EI24: variants seen among roughly 807,000 people sequenced by gnomAD.
EI24 encodes the protein EI24 autophagy associated transmembrane protein.
Under a neutral mutation model 48.6 loss-of-function variants are expected in EI24, and 21 were observed. That is an observed-to-expected ratio of 0.43 (90% CI 0.31 to 0.62). EI24 has a LOEUF of 0.62. Among genes scored for constraint, EI24 ranks in the 20% least tolerant of loss-of-function variants. The pLI is 0.10. For synonymous variants in EI24, 114 were observed against 145.5 expected, an observed-to-expected ratio of 0.78 and a Z score of 1.56; for missense variants, 280 against 410.5, an observed-to-expected ratio of 0.68 and a Z score of 2.75.
At chr11:125,578,907 A>G (rs758484900) in intron 6 of EI24, 42 bp from the exon 7 acceptor site, 15 of 1,549,340 alleles carry the variant, frequency 9.7e-6, no homozygotes, top group Non-Finnish European at 1.3e-5. Flanking sequence ...ATGTATATCA[A>G]GGCCATTTAA....
intron 7 of EI24, among the ~76,000 whole-genome samples, chr11:125,579,620 T>G (rs1277278324): frequency 6.6e-6 from 1 of 152,050 alleles, no homozygotes; most frequent in East Asian, 1.9e-4. Context: ...TGAGCCGAGA[T>G]CGCGCCATTG....
intron 9 of EI24, among the ~76,000 whole-genome samples, chr11:125,581,537 CTTTTTTT>C (rs33956827): frequency 3.9e-4 from 20 of 50,744 alleles, no homozygotes; most frequent in East Asian, 3.0e-3. Context: ...AGCAATTATT[CTTTTTTT>C]TTTTTTTTTT....
intron 5 of EI24, chr11:125,577,911 GT>G: frequency 1.7e-6 from 1 of 603,998 alleles, no homozygotes. Flanking sequence ...AAGCAGGTTT[GT>G]GTCAAGCAGC....
chr11:125,577,423 A>G, intron 4 of EI24, 81 bp from the exon 5 acceptor site: 1 of 1,384,758 alleles, frequency 7.2e-7, no homozygotes, highest in Non-Finnish European at 1.0e-6. Context: ...ACTCCCATCT[A>G]TAAAATCATT....
At chr11:125,581,382 G>A (rs778710670) in intron 9 of EI24, 60 bp downstream of exon 9, 3 of 1,160,482 alleles carry the variant, frequency 2.6e-6, no homozygotes, top group Middle Eastern at 4.0e-4. Context: ...TGAAGTCAGT[G>A]CCTTTTGTTT....
chr11:125,575,370 A>G lies in EI24; in HGVS notation c.150A>G (p.Ala50=). ...QRRRRASSVL[A]QRRAQSIERK... is the part of the protein sequence containing the mutation. ...GAAGAAGGGCAAGTAGTGTCTTGGCACAGAGAAGAGCCCAGAGTATAGAGC... is the reference window on the plus strand; with the variant it reads ...GAAGAAGGGCAAGTAGTGTCTTGGCGCAGAGAAGAGCCCAGAGTATAGAGC... Residue 50 remains alanine (A), a synonymous_variant, in exon 3 of 11, where the codon GCA becomes GCG. Coordinates refer to ENST00000278903, the MANE Select transcript of EI24 (RefSeq NM_004879.5). The G allele has an allele frequency of 6.3e-7, 1 of 1,593,532 alleles. No homozygotes were observed. Among genetic ancestry groups the G allele is most frequent in the Non-Finnish European group, 8.5e-7 (1 of 1,169,926 alleles).
At chr11:125,575,939 C>A (rs931555638) in intron 3 of EI24, 1 of 390,306 alleles carries the variant, frequency 2.6e-6, no homozygotes, top group South Asian at 1.9e-5. Context: ...CAGGTGCGCA[C>A]CACCACGCCT....
rs754100619 is a variant in EI24, at chr11:125,577,576, T to C, written c.316+6T>C. ...GGTAACAGCCCGAATTATCGGTAAG[T>C]GTATACCCTGCTCCTTGTCTGTTGG... is the stretch of plus-strand genomic sequence containing the variant. On this transcript the variant is annotated splice_donor_region_variant and intron_variant, in intron 5 of 10. Transcript: ENST00000278903. The C allele has an allele frequency of 6.2e-7, 1 of 1,611,706 alleles. No individual in the cohort carries two copies. Among genetic ancestry groups the C allele is most frequent in the South Asian group, 1.1e-5 (1 of 90,880 alleles).
rs1043919 is a variant in EI24, at chr11:125,578,201, C to T, written c.385C>T (p.Leu129Phe). Residue 129 changes from leucine (L) to phenylalanine (F), a missense_variant, in exon 6 of 11, where the codon CTT becomes TTT. Leu to Phe is a conservative substitution (Grantham distance 22, BLOSUM62 0). This residue lies in a region of EI24 where 204 missense variants were observed against 294.1 expected (regional missense o/e 0.69). Coordinates refer to ENST00000278903, the MANE Select transcript of EI24 (RefSeq NM_004879.5). ...EFFLTSIFSA[L>F]WVLPLFVLSK... is the part of the protein sequence containing the mutation. ...CTTCCTCACGTCAATTTTCAGTGCT[C>T]TTTGGGTGCTCCCCTTGTTTGTGCT... 6.2e-7 allele frequency: 1 copy of T among 1,613,836 alleles called. No individual in the cohort carries two copies. Among genetic ancestry groups the T allele is most frequent in the African/African-American group, 1.3e-5 (1 of 74,906 alleles).
Position 125,583,774 on chromosome 11 carries a change from G to A in EI24, c.*91G>A, listed in dbSNP as rs1939110581. On this transcript the variant is annotated 3_prime_UTR_variant, in exon 11 of 11. Coordinates refer to ENST00000278903, the MANE Select transcript of EI24 (RefSeq NM_004879.5). ...ACCTCCCGCCTGCCAGGGAAGGCAG[G>A]ACCCGCTCTGCCAAGGGCCCTCTGC... 1 of 1,536,976 alleles carries A rather than the reference G, an allele frequency of 6.5e-7. No homozygotes were observed. The highest frequency in any genetic ancestry group is 2.4e-5 in the East Asian group (1 of 41,184).
intron 5 of EI24, 167 bp from the exon 6 acceptor site, chr11:125,577,966 G>C: frequency 1.4e-6 from 1 of 733,522 alleles, no homozygotes; most frequent in Non-Finnish European, 2.2e-6. Flanking sequence ...GCCAGAATGT[G>C]GTGCGTCTAT....
intron 2 of EI24, among the ~76,000 whole-genome samples, chr11:125,574,550 C>T (rs1184262372): frequency 2.0e-5 from 3 of 152,208 alleles, no homozygotes; most frequent in Non-Finnish European, 4.4e-5. Context: ...GCTATTATTT[C>T]TAAAATTCGT....
At chr11:125,578,882 G>A (rs1254747797) in intron 6 of EI24, 67 bp from the exon 7 acceptor site, 1 of 1,519,294 alleles carries the variant, frequency 6.6e-7, no homozygotes, top group Non-Finnish European at 8.9e-7. Context: ...CGGACTAGTG[G>A]CCTTAGCTTT....
intron 2 of EI24, among the ~76,000 whole-genome samples, chr11:125,573,226 C>T (rs12222628): frequency 2.0e-5 from 3 of 152,128 alleles, no homozygotes; most frequent in Non-Finnish European, 4.4e-5. Flanking sequence ...TCTCCCCATT[C>T]TACAAGCTGT....
In EI24 at chr11:125,584,036, T is replaced by C. The variant is rs1565334736; in HGVS notation, c.*353T>C. On this transcript the variant is annotated 3_prime_UTR_variant, in exon 11 of 11. Coordinates refer to ENST00000278903, the MANE Select transcript of EI24 (RefSeq NM_004879.5). ...TTTCCATCCTGCCTTCTACCACCCT[T>C]GGATGAATGGATTTTGTAATTCTAG... The C allele has an allele frequency of 4.3e-6, 1 of 234,812 alleles. No homozygotes were observed. Among genetic ancestry groups the C allele is most frequent in the Non-Finnish European group, 8.5e-6 (1 of 117,602 alleles). The allele number at this position is 234,812 out of a possible 1,614,324, so 14.5% of individuals were successfully genotyped here.
chr11:125,569,595 CTAGGCCTCGGGG>C, intron 1 of EI24, 22 bp downstream of exon 1: 5 of 367,862 alleles, frequency 1.4e-5, no homozygotes, highest in Non-Finnish European at 1.5e-5. Flanking sequence ...CTCAGCCGAG[CTAGGCCTCGGGG>C]CCGCCGCGCC....
Position 125,584,424 on chromosome 11 carries a change from C to T in EI24, c.*741C>T, listed in dbSNP as rs1939151476. The T allele has an allele frequency of 6.6e-6, 1 of 152,590 alleles. No individual in the cohort carries two copies. Among genetic ancestry groups the T allele is most frequent in the African/African-American group, 2.4e-5 (1 of 41,428 alleles). 9.5% of individuals were successfully genotyped at this position (152,590 alleles called of 1,614,324 possible). The stretch of plus-strand genomic sequence containing the variant: ...TACCAATTCTGGACAAGTGCCACTA[C>T]AACAACACTAAACCTGAACTTTTCA... On this transcript the variant is annotated 3_prime_UTR_variant, in exon 11 of 11. Transcript: ENST00000278903.
intron 1 of EI24, 132 bp from the exon 2 acceptor site, chr11:125,572,326 C>A: frequency 1.7e-6 from 1 of 571,912 alleles, no homozygotes; most frequent in Non-Finnish European, 3.1e-6. Context: ...ACTTGATTCA[C>A]TCTATTAGTG....
At position 125,579,030 on chromosome 11, in the gene EI24, C is replaced by G; in HGVS notation, c.523C>G (p.Leu175Val). 5 of 1,579,340 alleles carry G rather than the reference C, an allele frequency of 3.2e-6. No individual in the cohort carries two copies. The highest frequency in any genetic ancestry group is 4.3e-6 in the Non-Finnish European group (5 of 1,160,972). ...PSVSKIIADM[L>V]FNLLLQALFL... Reference sequence around the variant, plus strand: ...TGTCAGCAAAATAATTGCTGACATGCTCTTCAACCTTTTGCTGCAGGCTCT... The same window carrying G: ...TGTCAGCAAAATAATTGCTGACATGGTCTTCAACCTTTTGCTGCAGGCTCT... Residue 175 changes from leucine to valine, a missense_variant, in exon 7 of 11, where the codon CTC becomes GTC. Physicochemically the swap from Leu to Val is conservative, Grantham distance 32 (BLOSUM62 1). Around this residue, in one of 3 missense-constraint regions of EI24, gnomAD observed 204 missense variants for 294.1 expected, o/e 0.69. Coordinates refer to ENST00000278903, the MANE Select transcript of EI24 (RefSeq NM_004879.5).
Sources: gnomAD v4.1 joint callset for allele counts (sites outside exome capture counted in the v4.1 genomes callset) on GRCh38, gnomAD v4.1.1 for gene constraint, gnomAD v4.1.1 regional missense constraint, MANE v1.5 for transcripts, NCBI Gene and HGNC (gene_info 2026-07-23, HGNC 2026-07-21) for gene names.